EYA4: variants seen among roughly 807,000 people sequenced by gnomAD.
EYA4 encodes the protein protein phosphatase EYA4.
A neutral mutation model predicts 87.9 loss-of-function variants in EYA4; 31 were observed. That is an observed-to-expected ratio of 0.35 (90% CI 0.27 to 0.48). The LOEUF is 0.48. Ranked by LOEUF, EYA4 falls within the 20% of genes least tolerant of loss-of-function variation. The pLI is 0.99. For synonymous variants in EYA4, 263 were observed against 270.6 expected (o/e 0.97, Z 0.28); for missense variants, 678 against 761.4 (o/e 0.89, Z 1.29).
intron 13 of EYA4, among the ~76,000 whole-genome samples, chr6:133,501,557 T>C (rs986936274): frequency 6.6e-6 from 1 of 152,144 alleles, no homozygotes; most frequent in Admixed American, 6.5e-5. Flanking sequence ...TTTCATTTTA[T>C]CTCTTATGAT....
chr6:133,495,395 TATAA>T (rs980613981), intron 13 of EYA4, among the ~76,000 whole-genome samples: 17 of 148,182 alleles, frequency 1.1e-4, no homozygotes, highest in Non-Finnish European at 2.1e-4. Flanking sequence ...TTCATTTATT[TATAA>T]ATAAATATAA....
At position 133,394,294 on chromosome 6, in the gene EYA4, T is replaced by TG. The variant is rs1289525079; in HGVS notation, c.83+11853_83+11854insG. The stretch of plus-strand genomic sequence containing the variant: ...TATATATAAGCTTGTGTTTTTTTTT[T>TG]TTTTTTTTTTTTTTTTTTTTTTTTG... On this transcript the variant is annotated intron_variant, in intron 3 of 19. Transcript: ENST00000355286. Among the ~76,000 whole-genome samples, 254 of 30,784 alleles carry TG rather than the reference T, an allele frequency of 8.3e-3. 5 individuals carry two copies. In the South Asian group the frequency reaches 0.28, roughly 33 times the overall value. 20.2% of individuals were successfully genotyped at this position (30,784 alleles called of 152,430 possible). A position where few individuals can be genotyped will look rare whatever the true frequency, so the allele number is the denominator to read the frequency against.
intron 1 of EYA4, among the ~76,000 whole-genome samples, chr6:133,254,571 T>G (rs990643175): frequency 6.6e-6 from 1 of 152,222 alleles, no homozygotes; most frequent in Non-Finnish European, 1.5e-5. Flanking sequence ...AGTCTTCCTA[T>G]GTCCAGAAAT....
intron 2 of EYA4, among the ~76,000 whole-genome samples, chr6:133,284,759 G>A (rs1777894643): frequency 6.6e-6 from 1 of 152,174 alleles, no homozygotes; most frequent in Admixed American, 6.5e-5. Context: ...GTGGAGCACT[G>A]CTATATTTGA....
Position 133,375,205 on chromosome 6 carries a change from A to G in EYA4, c.34-7187A>G, listed in dbSNP as rs529838383. 2.0e-5 allele frequency among the ~76,000 whole-genome samples: 3 copies of G among 152,124 alleles called. No individual in the cohort carries two copies. In the East Asian group the frequency reaches 5.8e-4, roughly 29 times the overall value. ...ATGGGCCTAGCAGTACACCAATCCTATGAAGATCTTCACAACATAAATCAT... is the reference window on the plus strand; with the variant it reads ...ATGGGCCTAGCAGTACACCAATCCTGTGAAGATCTTCACAACATAAATCAT... On this transcript the variant is annotated intron_variant, in intron 2 of 19. Coordinates refer to ENST00000355286, the MANE Select transcript of EYA4 (RefSeq NM_004100.5).
Position 133,462,316 on chromosome 6 carries a change from C to G in EYA4, c.438-19C>G. The stretch of plus-strand genomic sequence containing the variant: ...CACAGTCTTTGTTGCCACAGTAATG[C>G]TATTTTTCTGATATTTAGGCCCTAT... On this transcript the variant is annotated intron_variant, in intron 7 of 19. Coordinates refer to ENST00000355286, the MANE Select transcript of EYA4 (RefSeq NM_004100.5). 1 of 1,613,640 alleles carries G rather than the reference C, an allele frequency of 6.2e-7. No homozygotes were observed. Among genetic ancestry groups the G allele is most frequent in the Non-Finnish European group, 8.5e-7 (1 of 1,179,630 alleles).
intron 3 of EYA4, among the ~76,000 whole-genome samples, chr6:133,405,784 A>G (rs748540394): frequency 2.6e-5 from 4 of 152,066 alleles, no homozygotes; most frequent in Admixed American, 6.6e-5. Flanking sequence ...GAGAGAATGA[A>G]TGGGGGGAAG....
chr6:133,425,196 C>T (rs1443035719), intron 3 of EYA4, among the ~76,000 whole-genome samples: 1 of 150,706 alleles, frequency 6.6e-6, no homozygotes, highest in Non-Finnish European at 1.5e-5. Context: ...TAAATTTTGT[C>T]ATATGCAAAA....
intron 11 of EYA4, among the ~76,000 whole-genome samples, chr6:133,474,940 T>C (rs1289957806): frequency 6.6e-6 from 1 of 152,132 alleles, no homozygotes; most frequent in Non-Finnish European, 1.5e-5. Flanking sequence ...AAGAGACAGC[T>C]GGTTTTTCTG....
At chr6:133,333,760 G>T (rs1782156739) in intron 2 of EYA4, among the ~76,000 whole-genome samples, 1 of 152,000 alleles carries the variant, frequency 6.6e-6, no homozygotes, top group Admixed American at 6.6e-5. Flanking sequence ...TATTATAATA[G>T]TGATGAATGT....
At position 133,394,303 on chromosome 6, in the gene EYA4, T is replaced by TA. The variant is rs1787596223; in HGVS notation, c.83+11862_83+11863insA. Reference sequence around the variant, plus strand: ...GCTTGTGTTTTTTTTTTTTTTTTTTTTTTTTTTTTTTTTTTGGTCATCGAA... The same window carrying TA: ...GCTTGTGTTTTTTTTTTTTTTTTTTTATTTTTTTTTTTTTTTGGTCATCGAA... On this transcript the variant is annotated intron_variant, in intron 3 of 19. Coordinates refer to ENST00000355286, the MANE Select transcript of EYA4 (RefSeq NM_004100.5). Among the ~76,000 whole-genome samples the TA allele has an allele frequency of 2.1e-5, 3 of 144,370 alleles. No homozygotes were observed. In the South Asian group the frequency reaches 6.6e-4, roughly 32 times the overall value. 94.7% of individuals were successfully genotyped at this position (144,370 alleles called of 152,430 possible). A position where few individuals can be genotyped will look rare whatever the true frequency, so the allele number is the denominator to read the frequency against.
chr6:133,294,445 T>C (rs4278037), intron 2 of EYA4, among the ~76,000 whole-genome samples: 23,844 of 150,994 alleles, frequency 0.16, 1,963 homozygotes, highest in Non-Finnish European at 0.18. Context: ...CAGACGCAGT[T>C]ATAACTCCTG....
At chr6:133,385,649 T>A (rs1357051773) in intron 3 of EYA4, among the ~76,000 whole-genome samples, 1 of 152,098 alleles carries the variant, frequency 6.6e-6, no homozygotes, top group Non-Finnish European at 1.5e-5. Context: ...TTATAGTATG[T>A]TGGTTTTGGA....
At chr6:133,456,396 T>G in intron 5 of EYA4, 160 bp from the exon 6 acceptor site, 1 of 663,854 alleles carries the variant, frequency 1.5e-6, no homozygotes, top group South Asian at 1.7e-5. Flanking sequence ...ATCCTCTAAA[T>G]GCATGCCCGT....
intron 3 of EYA4, among the ~76,000 whole-genome samples, chr6:133,385,171 C>T (rs1001962688): frequency 2.0e-5 from 3 of 151,320 alleles, no homozygotes; most frequent in African/African-American, 7.3e-5. Flanking sequence ...TGGTGGCAGG[C>T]GCCTGTAGTC....
intron 2 of EYA4, among the ~76,000 whole-genome samples, chr6:133,288,136 TA>T (rs145832550): frequency 3.3e-5 from 5 of 151,362 alleles, no homozygotes; most frequent in Admixed American, 1.3e-4. Flanking sequence ...TCCATTTCAA[TA>T]AAAAAAAGGC....
chr6:133,295,656 G>C (rs1180437989), intron 2 of EYA4, among the ~76,000 whole-genome samples: 1 of 152,004 alleles, frequency 6.6e-6, no homozygotes, highest in Non-Finnish European at 1.5e-5. Flanking sequence ...TTAAAGACAG[G>C]ACAATAAAAT....
Position 133,526,042 on chromosome 6 carries a change from G to A in EYA4, c.1839+788G>A, listed in dbSNP as rs182085456. The A allele has an allele frequency of 4.3e-5, 15 of 351,368 alleles. No individual in the cohort carries two copies. In the East Asian group the frequency reaches 8.3e-4, roughly 19 times the overall value. The allele number at this position is 351,368 out of a possible 1,614,324, so 21.8% of individuals were successfully genotyped here. The stretch of plus-strand genomic sequence containing the variant: ...TTTAATAAGCCTTTTCATCTGGCCC[G>A]TATTTCTGAAGAAGAAACCAAGGCA... On this transcript the variant is annotated intron_variant, in intron 19 of 19. Transcript: ENST00000355286.
chr6:133,342,605 A>ATATATTTTATATATATATATATC (rs1485897156), intron 2 of EYA4, among the ~76,000 whole-genome samples: 1 of 130,440 alleles, frequency 7.7e-6, no homozygotes, highest in African/African-American at 3.3e-5. Context: ...ATATATATAT[A>ATATATTTTATATATATATATATC]ATTCTTTATA....
Sources: gnomAD v4.1 joint callset for allele counts (sites outside exome capture counted in the v4.1 genomes callset) on GRCh38, gnomAD v4.1.1 for gene constraint, MANE v1.5 for transcripts, NCBI Gene and HGNC (gene_info 2026-07-23, HGNC 2026-07-21) for gene names.